IQSEC1: variants seen among roughly 807,000 people sequenced by gnomAD.
The protein encoded by IQSEC1 is IQ motif and SEC7 domain-containing protein 1.
Under a neutral mutation model 91.0 loss-of-function variants are expected in IQSEC1, and 31 were observed. The ratio of observed to expected loss-of-function variants is 0.34; its 90% CI spans 0.26 to 0.46. IQSEC1 has a LOEUF of 0.46. Among genes scored for constraint, IQSEC1 ranks in the 20% least tolerant of loss-of-function variants. The pLI, the probability that IQSEC1 is intolerant of heterozygous loss-of-function variation, is 1.00. For missense variants in IQSEC1, 1,388 were observed against 1,575.6 expected (o/e 0.88, Z 2.02); for synonymous variants, 699 against 662.6 (o/e 1.05, Z -0.84).
intron 2 of IQSEC1, among the ~76,000 whole-genome samples, chr3:13,159,707 C>A (rs545798956): frequency 1.6e-4 from 25 of 152,116 alleles, no homozygotes; most frequent in Non-Finnish European, 3.7e-4. Context: ...GAGACCCCCA[C>A]CCACAGTGAG....
At chr3:12,975,984 C>T (rs1306059115) in intron 1 of IQSEC1, among the ~76,000 whole-genome samples, 1 of 152,260 alleles carries the variant, frequency 6.6e-6, no homozygotes. Flanking sequence ...GGCTCGGCTC[C>T]CTTCTTGGCT....
intron 2 of IQSEC1, among the ~76,000 whole-genome samples, chr3:13,100,219 T>C (rs1706033890): frequency 6.8e-6 from 1 of 146,028 alleles, no homozygotes; most frequent in Non-Finnish European, 1.5e-5. Context: ...TGTGGGGAGG[T>C]AAATAAGGCA....
At chr3:13,230,412 T>G (rs1170188131) in intron 1 of IQSEC1, among the ~76,000 whole-genome samples, 2 of 152,234 alleles carry the variant, frequency 1.3e-5, no homozygotes, top group African/African-American at 4.8e-5. Context: ...TGCTAAAGCT[T>G]TGGCTAACTT....
At chr3:13,051,783 C>T (rs1024113740) in intron 1 of IQSEC1, among the ~76,000 whole-genome samples, 6 of 152,078 alleles carry the variant, frequency 3.9e-5, no homozygotes, top group African/African-American at 1.5e-4. Flanking sequence ...CAGTTTCCCT[C>T]TGCTAAATGA....
rs1176857891 is a variant in IQSEC1, at chr3:13,008,534, G to T, written c.23+64458C>A. ...GCTCTCAGTTCCCCTCCTCAGGGAG[G>T]CCCTCACTGACCACCGCCAAGTCGC... On this transcript the variant is annotated intron_variant, in intron 1 of 13. Transcript: ENST00000613206. This position sits in a 1 kb window ranked among gnomAD's most constrained non-coding sequence, Gnocchi z 4.1. Among the ~76,000 whole-genome samples the T allele has an allele frequency of 6.6e-6, 1 of 152,012 alleles. No homozygotes were observed. The highest frequency in any genetic ancestry group is 1.5e-5 in the Non-Finnish European group (1 of 68,000).
chr3:12,901,531 G>A lies in IQSEC1; in HGVS notation c.2806-9C>T, dbSNP rs1372528375. On this transcript the variant is annotated splice_polypyrimidine_tract_variant and intron_variant, in intron 13 of 13. Coordinates refer to ENST00000613206, the MANE Select transcript of IQSEC1 (RefSeq NM_001134382.3). ...CTGCTAATGATGGACCCCTAAAAAGGAAATTCATAGAAATCAAAATTAAAA... is the reference window on the plus strand; with the variant it reads ...CTGCTAATGATGGACCCCTAAAAAGAAAATTCATAGAAATCAAAATTAAAA... 8 of 1,538,068 alleles carry A rather than the reference G, an allele frequency of 5.2e-6. No individual in the cohort carries two copies. In the Admixed American group the frequency reaches 8.3e-5, roughly 16 times the overall value.
chr3:13,040,257 C>T (rs976885228), intron 1 of IQSEC1, among the ~76,000 whole-genome samples: 2 of 152,228 alleles, frequency 1.3e-5, no homozygotes, highest in East Asian at 3.8e-4. Context: ...GATCAGATGC[C>T]ACCTCCTGCA....
At position 13,282,233 on chromosome 3, in the gene IQSEC1, T is replaced by G. The variant is rs901890534; in HGVS notation, c.272+478A>C. On this transcript the variant is annotated intron_variant, in intron 1 of 15. Coordinates refer to the IQSEC1 transcript ENST00000648114. This position sits in a 1 kb window ranked among gnomAD's most constrained non-coding sequence, Gnocchi z 6.4. ...GGACTGGACACAGCGCAGAGTCCAT[T>G]CCAGGGACACCGCAACCCGCAAGCG... 6.6e-6 allele frequency among the ~76,000 whole-genome samples: 1 copy of G among 152,086 alleles called. No individual in the cohort carries two copies. The highest frequency in any genetic ancestry group is 2.4e-5 in the African/African-American group (1 of 41,410).
intron 1 of IQSEC1, among the ~76,000 whole-genome samples, chr3:13,222,989 C>T (rs1039108313): frequency 1.3e-5 from 2 of 152,196 alleles, no homozygotes; most frequent in Non-Finnish European, 2.9e-5. Flanking sequence ...AGGTGTCGAT[C>T]GTGATGGATG....
chr3:13,225,701 T>A (rs1378524093), intron 1 of IQSEC1, among the ~76,000 whole-genome samples: 1 of 152,142 alleles, frequency 6.6e-6, no homozygotes, highest in South Asian at 2.1e-4. Flanking sequence ...AGATCACTTC[T>A]AAGGACTCTG....
At chr3:13,026,864 G>GTTTTTT (rs1553680571) in intron 1 of IQSEC1, among the ~76,000 whole-genome samples, 1 of 90,864 alleles carries the variant, frequency 1.1e-5, no homozygotes, top group African/African-American at 3.4e-5. Context: ...TATCTCCCCA[G>GTTTTTT]TTTTTTTTTT....
At position 13,259,479 on chromosome 3, in the gene IQSEC1, C is replaced by T. The variant is rs1438594072; in HGVS notation, c.272+23232G>A. Among the ~76,000 whole-genome samples, 1 of 152,180 alleles carries T rather than the reference C, an allele frequency of 6.6e-6. No individual in the cohort carries two copies. Among genetic ancestry groups the T allele is most frequent in the African/African-American group, 2.4e-5 (1 of 41,452 alleles). ...GTGAGATAGCACTGTCATCGCCGGC[C>T]ACGTCCTCATTTCCAGAAGCCCAAC... On this transcript the variant is annotated intron_variant, in intron 1 of 15. Transcript: ENST00000648114. The surrounding 1 kb of genome is among the most constrained non-coding windows in gnomAD (Gnocchi z 4.6).
chr3:12,897,086 C>G lies in IQSEC1; in HGVS notation c.*3897G>C, dbSNP rs1456667072. ...TTTATTTTAAATTTTGTATCAGTGTCCTCAGTCAGTCCAATGTCTTCAAGG... is the reference window on the plus strand; with the variant it reads ...TTTATTTTAAATTTTGTATCAGTGTGCTCAGTCAGTCCAATGTCTTCAAGG... On this transcript the variant is annotated 3_prime_UTR_variant, in exon 14 of 14. Transcript: ENST00000613206. 3 of 152,176 alleles carry G rather than the reference C, an allele frequency of 2.0e-5. No individual in the cohort carries two copies. Among genetic ancestry groups the G allele is most frequent in the African/African-American group, 7.2e-5 (3 of 41,444 alleles). The allele number at this position is 152,176 out of a possible 1,614,324, so 9.4% of individuals were successfully genotyped here.
At chr3:13,109,864 G>T (rs1706212212) in intron 2 of IQSEC1, among the ~76,000 whole-genome samples, 1 of 151,032 alleles carries the variant, frequency 6.6e-6, no homozygotes, top group Non-Finnish European at 1.5e-5. Flanking sequence ...CCTAATACAG[G>T]CTGTTACAAG....
chr3:13,068,931 C>G (rs1705324215), intron 1 of IQSEC1, among the ~76,000 whole-genome samples: 1 of 152,236 alleles, frequency 6.6e-6, no homozygotes, highest in Middle Eastern at 3.2e-3. Flanking sequence ...GCAGCACCCT[C>G]TCAGTGGTTC....
At position 12,908,122 on chromosome 3, in the gene IQSEC1, C is replaced by T. The variant is rs1052437854; in HGVS notation, c.2755+227G>A. On this transcript the variant is annotated intron_variant, in intron 12 of 13. Coordinates refer to ENST00000613206, the MANE Select transcript of IQSEC1 (RefSeq NM_001134382.3). This position sits in a 1 kb window ranked among gnomAD's most constrained non-coding sequence, Gnocchi z 4.9. ...ATGGGGGTGACTTCCCCAGCTAATT[C>T]GTGTGCAATGCCTTTCTTTTTGACG... Among the ~76,000 whole-genome samples, 5 of 152,220 alleles carry T rather than the reference C, an allele frequency of 3.3e-5. No homozygotes were observed. Among genetic ancestry groups the T allele is most frequent in the Admixed American group, 2.6e-4 (4 of 15,280 alleles).
At chr3:12,942,869 G>T (rs1698882401) in intron 1 of IQSEC1, among the ~76,000 whole-genome samples, 1 of 152,188 alleles carries the variant, frequency 6.6e-6, no homozygotes, top group Non-Finnish European at 1.5e-5. Context: ...AGCATGCGAG[G>T]ACCCGAGGAG....
intron 1 of IQSEC1, among the ~76,000 whole-genome samples, chr3:13,250,708 C>G (rs953603455): frequency 6.6e-6 from 1 of 151,970 alleles, no homozygotes; most frequent in African/African-American, 2.4e-5. Flanking sequence ...CTCAGGTGAT[C>G]TGCCCGCCTC....
rs149619703 is a variant in IQSEC1 at position 13,084,211 on chromosome 3, G to A, written c.303-36689C>T. On this transcript the variant is annotated intron_variant, in intron 2 of 15. Coordinates refer to the IQSEC1 transcript ENST00000648114. ...TTTTCAGAGGGCAGCTGCACCTGAC[G>A]ACCTGGGGCCTGGCTAAGTAAGGCG... Among the ~76,000 whole-genome samples the A allele has an allele frequency of 4.5e-4, 68 of 152,244 alleles. 1 individual carries two copies. The highest frequency in any genetic ancestry group is 2.7e-3 in the South Asian group (13 of 4,834).
Sources: gnomAD v4.1 joint callset for allele counts (sites outside exome capture counted in the v4.1 genomes callset) on GRCh38, gnomAD v4.1.1 for gene constraint, Gnocchi (gnomAD v3.1) non-coding constraint, MANE v1.5 for transcripts, NCBI Gene and HGNC (gene_info 2026-07-23, HGNC 2026-07-21) for gene names.